Variants in CCSER1 observed in about 807,000 individuals in gnomAD.
CCSER1 encodes the protein serine-rich coiled-coil domain-containing protein 1.
A neutral mutation model predicts 82.0 loss-of-function variants in CCSER1; 41 were observed. The observed-to-expected ratio is 0.50, with a 90% CI of 0.39 to 0.65. CCSER1 has a LOEUF of 0.65. Among genes scored for constraint, CCSER1 ranks in the 30% least tolerant of loss-of-function variants. The pLI is 0.00. For missense variants in CCSER1, 1,119 were observed against 1,064.2 expected (o/e 1.05, Z -0.72); for synonymous variants, 414 against 383.9 (o/e 1.08, Z -0.92).
intron 10 of CCSER1, among the ~76,000 whole-genome samples, chr4:91,546,166 GT>G (rs1257864482): frequency 5.3e-5 from 8 of 152,030 alleles, no homozygotes; most frequent in Admixed American, 1.3e-4. Flanking sequence ...TATATATTGG[GT>G]TTGATTTACT....
chr4:90,737,075 G>A (rs1167454515), intron 7 of CCSER1, among the ~76,000 whole-genome samples: 2 of 152,020 alleles, frequency 1.3e-5, no homozygotes, highest in Non-Finnish European at 2.9e-5. Flanking sequence ...ACTATGTCTT[G>A]AAAAGTTGTT....
At chr4:91,317,477 T>C (rs1745912940) in intron 10 of CCSER1, among the ~76,000 whole-genome samples, 1 of 151,974 alleles carries the variant, frequency 6.6e-6, no homozygotes, top group African/African-American at 2.4e-5. Context: ...TCATATATTA[T>C]GGAAGGGTAG....
intron 5 of CCSER1, among the ~76,000 whole-genome samples, chr4:90,529,828 C>G (rs976693143): frequency 6.6e-6 from 1 of 151,852 alleles, no homozygotes; most frequent in Non-Finnish European, 1.5e-5. Context: ...TGAGGGCCCA[C>G]CTTTCTTTTA....
intron 9 of CCSER1, among the ~76,000 whole-genome samples, chr4:91,048,057 C>G (rs1051332470): frequency 6.6e-6 from 1 of 151,854 alleles, no homozygotes; most frequent in African/African-American, 2.4e-5. Flanking sequence ...TTCACTCACC[C>G]CAACTGAAAA....
At chr4:90,368,069 C>A (rs954983405) in intron 3 of CCSER1, among the ~76,000 whole-genome samples, 1 of 151,844 alleles carries the variant, frequency 6.6e-6, no homozygotes. Flanking sequence ...AAATGCCCCT[C>A]AGAAAAAATT....
chr4:90,395,259 T>C (rs749095998), intron 3 of CCSER1, among the ~76,000 whole-genome samples: 1 of 152,218 alleles, frequency 6.6e-6, no homozygotes, highest in Non-Finnish European at 1.5e-5. Context: ...GATTTCCTAC[T>C]TTTAGCCACT....
intron 8 of CCSER1, among the ~76,000 whole-genome samples, chr4:90,827,821 A>G (rs974986442): frequency 1.3e-5 from 2 of 152,196 alleles, no homozygotes; most frequent in Admixed American, 1.3e-4. Flanking sequence ...GAATAGTTAC[A>G]CAAATTTATC....
Position 91,526,337 on chromosome 4 carries a change from A to T in CCSER1, c.2218-72235A>T, listed in dbSNP as rs567218355. 1.2e-4 allele frequency among the ~76,000 whole-genome samples: 19 copies of T among 152,252 alleles called. 1 individual carries two copies. The South Asian group carries it at 3.1e-3, about 25-fold the overall frequency. On this transcript the variant is annotated intron_variant, in intron 10 of 10. Transcript: ENST00000509176. ...TCTACCTACAAGCTGGAAGCCCCCT[A>T]CTTCAAGTCATTCTGCCTTTCTGGA...
chr4:90,993,457 T>G (rs994267553), intron 9 of CCSER1, among the ~76,000 whole-genome samples: 2 of 150,236 alleles, frequency 1.3e-5, no homozygotes, highest in Non-Finnish European at 3.0e-5. Context: ...TATGCTTATT[T>G]CCTTATTTTT....
chr4:91,600,972 T>C lies in CCSER1; in HGVS notation c.*1915T>C, dbSNP rs1221429943. The C allele has an allele frequency of 1.3e-5, 2 of 152,078 alleles. No individual in the cohort carries two copies. Among genetic ancestry groups the C allele is most frequent in the East Asian group, 1.9e-4 (1 of 5,190 alleles). The allele number at this position is 152,078 out of a possible 1,614,324, so 9.4% of individuals were successfully genotyped here. A position where few individuals can be genotyped will look rare whatever the true frequency, so the allele number is the denominator to read the frequency against. Reference sequence around the variant, plus strand: ...CAATATTTAAGAAATGATAGGAAAATAGAAAAATCATGATTATTAATTGTG... The same window carrying C: ...CAATATTTAAGAAATGATAGGAAAACAGAAAAATCATGATTATTAATTGTG... On this transcript the variant is annotated 3_prime_UTR_variant, in exon 11 of 11. Transcript: ENST00000509176.
At chr4:91,507,039 G>T (rs1042740318) in intron 10 of CCSER1, among the ~76,000 whole-genome samples, 1 of 152,108 alleles carries the variant, frequency 6.6e-6, no homozygotes, top group African/African-American at 2.4e-5. Flanking sequence ...CTCAGTTGAT[G>T]AAAATATGAA....
chr4:90,991,630 G>A (rs1737038768), intron 9 of CCSER1, among the ~76,000 whole-genome samples: 1 of 151,824 alleles, frequency 6.6e-6, no homozygotes, highest in African/African-American at 2.4e-5. Context: ...ATTGAACTAG[G>A]TCCCACTCTC....
intron 9 of CCSER1, among the ~76,000 whole-genome samples, chr4:90,960,888 GA>G (rs1034496342): frequency 2.0e-5 from 3 of 152,112 alleles, no homozygotes; most frequent in Non-Finnish European, 4.4e-5. Context: ...ATACTATAAG[GA>G]AGGTACTATT....
chr4:91,306,888 T>C (rs935473901), intron 10 of CCSER1, among the ~76,000 whole-genome samples: 1 of 152,006 alleles, frequency 6.6e-6, no homozygotes, highest in Non-Finnish European at 1.5e-5. Context: ...TCTGCTGCAC[T>C]CTGAGGAAGG....
chr4:90,172,238 C>G (rs1731837150), intron 1 of CCSER1, among the ~76,000 whole-genome samples: 1 of 151,736 alleles, frequency 6.6e-6, no homozygotes, highest in Non-Finnish European at 1.5e-5. Context: ...TTAAAGTAAC[C>G]TATAAATGCT....
chr4:90,212,866 A>G (rs1226098195), intron 1 of CCSER1, among the ~76,000 whole-genome samples: 1 of 152,196 alleles, frequency 6.6e-6, no homozygotes, highest in East Asian at 1.9e-4. Context: ...CAAAGAGAAC[A>G]TCAAGTGTAA....
intron 9 of CCSER1, among the ~76,000 whole-genome samples, chr4:91,034,598 A>G (rs1291033795): frequency 6.6e-6 from 1 of 152,086 alleles, no homozygotes; most frequent in Non-Finnish European, 1.5e-5. Flanking sequence ...ATGGAGAAAT[A>G]TTTGTATGAG....
chr4:90,776,832 C>A (rs553177186), intron 7 of CCSER1, among the ~76,000 whole-genome samples: 1 of 152,250 alleles, frequency 6.6e-6, no homozygotes, highest in South Asian at 2.1e-4. Flanking sequence ...TTTAAAAATT[C>A]TGTAAGTACC....
chr4:90,660,729 A>T (rs2149093772), intron 6 of CCSER1, among the ~76,000 whole-genome samples: 1 of 152,308 alleles, frequency 6.6e-6, no homozygotes, highest in South Asian at 2.1e-4. Context: ...AATACATTTT[A>T]AAATAGAGTC....
Sources: gnomAD v4.1 joint callset for allele counts (sites outside exome capture counted in the v4.1 genomes callset) on GRCh38, gnomAD v4.1.1 for gene constraint, MANE v1.5 for transcripts, NCBI Gene and HGNC (gene_info 2026-07-23, HGNC 2026-07-21) for gene names.